Variants in MYLK4 observed in about 807,000 individuals in gnomAD.
MYLK4 encodes myosin light chain kinase family member 4, also known as caMLCK like.
Under a neutral mutation model 48.1 loss-of-function variants are expected in MYLK4, and 46 were observed. The ratio of observed to expected loss-of-function variants is 0.96; its 90% confidence interval spans 0.75 to 1.22. MYLK4 has a LOEUF of 1.22. Ranked by LOEUF, MYLK4 falls within the 50% of genes most tolerant of loss-of-function variation. The pLI, the probability that MYLK4 is intolerant of heterozygous loss-of-function variation, is 0.00. For synonymous variants in MYLK4, 170 were observed against 180.8 expected (o/e 0.94, Z 0.48); for missense variants, 451 against 486.1 (o/e 0.93, Z 0.68).
intron 2 of MYLK4, among the ~76,000 whole-genome samples, chr6:2,746,532 C>T (rs1040543179): frequency 6.6e-6 from 1 of 152,038 alleles, no homozygotes; most frequent in Non-Finnish European, 1.5e-5. Context: ...AAAATTCTTC[C>T]CCTATTGGGA....
the MYLK4 span, among the ~76,000 whole-genome samples, chr6:2,762,032 C>T: frequency 5.9e-5 from 9 of 152,150 alleles, no homozygotes; most frequent in Non-Finnish European, 1.0e-4. Flanking sequence ...CTGCCTCAGC[C>T]TTGCAAGTAG....
intron 2 of MYLK4, among the ~76,000 whole-genome samples, chr6:2,724,775 T>C (rs1174311723): frequency 6.6e-6 from 1 of 152,224 alleles, no homozygotes; most frequent in Non-Finnish European, 1.5e-5. Flanking sequence ...AGCGAATGTC[T>C]TGATGATTAA....
At position 2,683,004 on chromosome 6, in the gene MYLK4, A is replaced by G. The variant is rs777259116; in HGVS notation, c.687+17T>C. Reference sequence around the variant, plus strand: ...CTGGGAAGGGCTTACGTCTCACAGGATACAAAACACCCTTACCTTCAGGTC... The same window carrying G: ...CTGGGAAGGGCTTACGTCTCACAGGGTACAAAACACCCTTACCTTCAGGTC... On this transcript the variant is annotated intron_variant, in intron 7 of 12. Transcript: ENST00000274643. The G allele has an allele frequency of 1.2e-6, 2 of 1,614,180 alleles. No homozygotes were observed. Among genetic ancestry groups the G allele is most frequent in the Non-Finnish European group, 1.7e-6 (2 of 1,180,014 alleles).
the MYLK4 span, chr6:2,765,661 G>C: frequency 6.5e-7 from 1 of 1,549,174 alleles, no homozygotes; most frequent in African/African-American, 1.4e-5. Context: ...CCTTCCTTTC[G>C]CAGCTGCACC....
At chr6:2,696,093 A>G (rs1032112529) in intron 2 of MYLK4, among the ~76,000 whole-genome samples, 2 of 152,230 alleles carry the variant, frequency 1.3e-5, no homozygotes, top group Admixed American at 6.5e-5. Context: ...ACTATTTACC[A>G]ATTCCTTTTA....
chr6:2,766,278 G>C, the MYLK4 span: 3 of 1,585,268 alleles, frequency 1.9e-6, no homozygotes, highest in Admixed American at 1.8e-5. Context: ...GAGGAGATCC[G>C]ACAGATGCTA....
At chr6:2,733,105 C>A (rs1763536491) in intron 2 of MYLK4, among the ~76,000 whole-genome samples, 1 of 152,196 alleles carries the variant, frequency 6.6e-6, no homozygotes, top group South Asian at 2.1e-4. Flanking sequence ...TTATATCCTT[C>A]TTCTTTTTGA....
upstream of MYLK4, among the ~76,000 whole-genome samples, chr6:2,754,593 A>G (rs149460834): frequency 1.6e-3 from 249 of 152,324 alleles, 1 homozygote; most frequent in African/African-American, 5.8e-3. Flanking sequence ...TGTACAACTC[A>G]TTCAGTTTCT....
At chr6:2,732,560 G>A (rs1342446892) in intron 2 of MYLK4, among the ~76,000 whole-genome samples, 2 of 152,126 alleles carry the variant, frequency 1.3e-5, no homozygotes, top group Non-Finnish European at 2.9e-5. Flanking sequence ...CAGCCACAGA[G>A]TCAGCCTGAG....
chr6:2,763,443 T>C, the MYLK4 span, among the ~76,000 whole-genome samples: 2 of 152,132 alleles, frequency 1.3e-5, no homozygotes, highest in African/African-American at 4.8e-5. Context: ...GGGGGGAGGC[T>C]CAGGCATGGC....
chr6:2,759,444 T>C, the MYLK4 span, among the ~76,000 whole-genome samples: 1 of 152,362 alleles, frequency 6.6e-6, no homozygotes, highest in Non-Finnish European at 1.5e-5. Flanking sequence ...ACTTGGTCTC[T>C]GTTTTTCATG....
At chr6:2,765,143 C>T in the MYLK4 span, among the ~76,000 whole-genome samples, 1 of 151,466 alleles carries the variant, frequency 6.6e-6, no homozygotes, top group Non-Finnish European at 1.5e-5. Context: ...GCGTCCGCCA[C>T]CGCGCAACCT....
At chr6:2,716,286 G>T (rs1191085985) in intron 2 of MYLK4, among the ~76,000 whole-genome samples, 1 of 152,100 alleles carries the variant, frequency 6.6e-6, no homozygotes, top group Non-Finnish European at 1.5e-5. Context: ...CCCCTTCATA[G>T]GGTTTTCACT....
intron 2 of MYLK4, among the ~76,000 whole-genome samples, chr6:2,737,973 G>GGGGC (rs1230749001): frequency 1.8e-4 from 17 of 92,146 alleles, no homozygotes; most frequent in Non-Finnish European, 2.5e-4. Context: ...TGGGGTGCCG[G>GGGGC]GGGCGGGTGG....
Position 2,735,193 on chromosome 6 carries a change from T to C in MYLK4, c.159+13943A>G, listed in dbSNP as rs372680004. ...CAGTAATAACAGACAAGTCCTGACA[T>C]ACAAGAATCAGGTTGCCTTCTTCTT... On this transcript the variant is annotated intron_variant, in intron 2 of 12. Coordinates refer to ENST00000274643, the MANE Select transcript of MYLK4 (RefSeq NM_001012418.5). Among the ~76,000 whole-genome samples the C allele has an allele frequency of 1.6e-4, 25 of 152,304 alleles. 1 individual carries two copies. In the South Asian group the frequency reaches 5.2e-3, roughly 32 times the overall value.
chr6:2,671,304 T>G lies in MYLK4; in HGVS notation c.1164A>C (p.Lys388Asn). 1 of 1,614,018 alleles carries G rather than the reference T, an allele frequency of 6.2e-7. No homozygotes were observed. Among genetic ancestry groups the G allele is most frequent in the East Asian group, 2.2e-5 (1 of 44,880 alleles). The change falls in exon 12 of 13, where the codon AAA (lysine) becomes AAC (asparagine). Residue 388 changes from lysine to asparagine, a missense_variant. By Grantham distance (94) the Lys-to-Asn change is moderately conservative. Transcript: ENST00000274643. ...CCAAATGGCTGCCTCCTGTAGACTA[T>G]TTGGTCACAAAGTCCTGGGCATCAG... ...RGSDAQDFVT[K>N]
intron 2 of MYLK4, among the ~76,000 whole-genome samples, chr6:2,699,287 C>CTTTTCTTTTTTTTTTTTTTTTT (rs1193027641): frequency 2.6e-5 from 2 of 77,894 alleles, no homozygotes; most frequent in Non-Finnish European, 2.2e-5. Context: ...CTTTTCTTTT[C>CTTTTCTTTTTTTTTTTTTTTTT]TTTTTTTTTT....
intron 11 of MYLK4, among the ~76,000 whole-genome samples, chr6:2,671,920 G>A (rs1272272037): frequency 6.6e-6 from 1 of 152,200 alleles, no homozygotes; most frequent in Non-Finnish European, 1.5e-5. Context: ...AAGAGCTGGG[G>A]GTGTCCTGGA....
intron 2 of MYLK4, among the ~76,000 whole-genome samples, chr6:2,704,670 T>C (rs1762422935): frequency 6.6e-6 from 1 of 152,200 alleles, no homozygotes; most frequent in South Asian, 2.1e-4. Context: ...AGGTTAGAGT[T>C]AGGGATTGTT....
Sources: gnomAD v4.1 joint callset for allele counts (sites outside exome capture counted in the v4.1 genomes callset) on GRCh38, gnomAD v4.1.1 for gene constraint, MANE v1.5 for transcripts, NCBI Gene and HGNC (gene_info 2026-07-23, HGNC 2026-07-21) for gene names.